FBP1: variants seen among roughly 807,000 people sequenced by gnomAD.
FBP1 encodes the protein fructose-1,6-bisphosphatase 1.
Under a neutral mutation model 29.9 loss-of-function variants are expected in FBP1, and 22 were observed. The observed-to-expected ratio is 0.74, with a 90% CI of 0.53 to 1.05. The LOEUF (loss-of-function observed/expected upper bound fraction) is 1.05. Among genes scored for constraint, FBP1 ranks in the 50% least tolerant of loss-of-function variants. The probability of loss-of-function intolerance (pLI) is 0.00; values close to 1 mark genes in which losing one functional copy is unlikely to be tolerated. For synonymous variants in FBP1, 175 were observed against 178.6 expected, an observed-to-expected ratio of 0.98 and a Z score of 0.16; for missense variants, 345 against 448.2, an observed-to-expected ratio of 0.77 and a Z score of 2.08.
chr9:94,627,628 G>GGAGTCTT (rs1477130782), intron 1 of FBP1, among the ~76,000 whole-genome samples: 1 of 152,174 alleles, frequency 6.6e-6, no homozygotes, highest in Non-Finnish European at 1.5e-5. Context: ...AGACCATCCT[G>GGAGTCTT]CCTTGGAAGG....
chr9:94,623,070 C>T (rs1191736163), intron 1 of FBP1, among the ~76,000 whole-genome samples: 2 of 151,978 alleles, frequency 1.3e-5, no homozygotes, highest in Admixed American at 6.6e-5. Context: ...CTGCAACCTC[C>T]GCCTCCCAGG....
At chr9:94,625,896 TC>T (rs1275172932) in intron 1 of FBP1, among the ~76,000 whole-genome samples, 1 of 151,900 alleles carries the variant, frequency 6.6e-6, no homozygotes, top group Non-Finnish European at 1.5e-5. Flanking sequence ...CGCAGGACCC[TC>T]AGCACCTCCA....
At chr9:94,604,955 C>T (rs1430883507) in intron 6 of FBP1, among the ~76,000 whole-genome samples, 2 of 152,156 alleles carry the variant, frequency 1.3e-5, no homozygotes, top group African/African-American at 4.8e-5. Flanking sequence ...TCGGTGGTGA[C>T]GGCTCACCTG....
intron 4 of FBP1, 130 bp downstream of exon 4, chr9:94,609,791 C>T (rs1827754994): frequency 2.9e-6 from 3 of 1,044,466 alleles, no homozygotes; most frequent in Non-Finnish European, 4.5e-6. Flanking sequence ...CTTTCCACCA[C>T]ACATCATCAT....
chr9:94,635,806 G>T (rs1828183789), intron 1 of FBP1, among the ~76,000 whole-genome samples: 1 of 152,152 alleles, frequency 6.6e-6, no homozygotes, highest in Non-Finnish European at 1.5e-5. Context: ...CCAAAATAGA[G>T]AAAAACTTCA....
chr9:94,616,003 A>C (rs779478447), intron 3 of FBP1, among the ~76,000 whole-genome samples: 21 of 151,768 alleles, frequency 1.4e-4, no homozygotes, highest in South Asian at 4.2e-4. Context: ...AATTTTTTGT[A>C]ATTTTTAGTA....
At position 94,639,271 on chromosome 9, in the gene FBP1, G is replaced by C. The variant is rs747358501; in HGVS notation, c.40C>G (p.Leu14Val). 4 of 1,606,730 alleles carry C rather than the reference G, an allele frequency of 2.5e-6. No individual in the cohort carries two copies. The African/African-American group carries it at 4.0e-5, about 16-fold the overall frequency. ...CCCTCCTCCATGACGAAGCGGGTCA[G>C]GGTGTTGACGTCCGTGTCGAAGGGC... is the stretch of plus-strand genomic sequence containing the variant. ...QAPFDTDVNT[L>V]TRFVMEEGRK... Residue 14 changes from leucine (L) to valine (V), a missense_variant, in exon 1 of 7, where the codon CTG (leucine) becomes GTG (valine). Transcript: ENST00000375326.
rs1827756081 is a variant in FBP1, at chr9:94,609,866, A to G, written c.567+55T>C. ...CCCCTGCCAATCCCCCACACATATC[A>G]TTCATTTGCTCACAGACACCAGCCA... is the stretch of plus-strand genomic sequence containing the variant. On this transcript the variant is annotated intron_variant, in intron 4 of 6. Transcript: ENST00000375326. The G allele has an allele frequency of 1.6e-5, 25 of 1,596,214 alleles. No individual in the cohort carries two copies. The South Asian group carries it at 2.4e-4, about 15-fold the overall frequency.
chr9:94,617,941 G>A, intron 2 of FBP1, 81 bp from the exon 3 acceptor site: 1 of 1,115,996 alleles, frequency 9.0e-7, no homozygotes. Context: ...GGCTAAGAAT[G>A]GGAATTTAGA....
intron 6 of FBP1, 78 bp downstream of exon 6, chr9:94,605,379 C>T (rs1363186903): frequency 6.5e-7 from 1 of 1,527,574 alleles, no homozygotes; most frequent in South Asian, 1.2e-5. Context: ...CTAGCAAAAC[C>T]TTTCTTCTTC....
chr9:94,612,729 T>A (rs956478218), intron 3 of FBP1, among the ~76,000 whole-genome samples: 8 of 151,792 alleles, frequency 5.3e-5, no homozygotes, highest in African/African-American at 1.9e-4. Context: ...GCTAATTTTT[T>A]TTTTTATTTT....
chr9:94,625,821 G>A (rs1340165286), intron 1 of FBP1, among the ~76,000 whole-genome samples: 8 of 150,542 alleles, frequency 5.3e-5, no homozygotes, highest in Non-Finnish European at 1.0e-4. Flanking sequence ...AGCTGCCCGC[G>A]TCCACCAAAC....
chr9:94,632,122 C>T (rs1394171013), intron 1 of FBP1, among the ~76,000 whole-genome samples: 1 of 152,078 alleles, frequency 6.6e-6, no homozygotes, highest in African/African-American at 2.4e-5. Context: ...TATTAGCTGA[C>T]GTGTCATTCT....
intron 3 of FBP1, among the ~76,000 whole-genome samples, chr9:94,612,815 C>T (rs1827805989): frequency 6.6e-6 from 1 of 152,132 alleles, no homozygotes; most frequent in African/African-American, 2.4e-5. Context: ...CCTGCCTCAG[C>T]CTCCCAAAGA....
Position 94,606,035 on chromosome 9 carries a change from G to A in FBP1, c.706-459C>T, listed in dbSNP as rs28369755. On this transcript the variant is annotated intron_variant, in intron 5 of 6. Coordinates refer to ENST00000375326, the MANE Select transcript of FBP1 (RefSeq NM_000507.4). The stretch of plus-strand genomic sequence containing the variant: ...AGGAGCCTGTGGGACTCGGGTGTGC[G>A]TGTGCGGAGCTTGGGGGCAGGAGGG... Among the ~76,000 whole-genome samples the A allele has an allele frequency of 7.8e-3, 1,194 of 152,160 alleles. 17 individuals are homozygous for A. The highest frequency in any genetic ancestry group is 0.027 in the African/African-American group (1,117 of 41,458).
chr9:94,631,116 T>C (rs1828099009), intron 1 of FBP1, among the ~76,000 whole-genome samples: 1 of 152,236 alleles, frequency 6.6e-6, no homozygotes, highest in African/African-American at 2.4e-5. Context: ...GACATTTCAC[T>C]TCAATTTTAT....
At chr9:94,614,861 G>C (rs1181964268) in intron 3 of FBP1, among the ~76,000 whole-genome samples, 1 of 152,146 alleles carries the variant, frequency 6.6e-6, no homozygotes, top group Non-Finnish European at 1.5e-5. Context: ...AAATGACTTA[G>C]AGGTCTGTGT....
chr9:94,637,990 G>T (rs1422453471), intron 1 of FBP1, among the ~76,000 whole-genome samples: 1 of 151,560 alleles, frequency 6.6e-6, no homozygotes, highest in African/African-American at 2.4e-5. Flanking sequence ...GGAGACTGAG[G>T]CAGGAGAATC....
intron 1 of FBP1, among the ~76,000 whole-genome samples, chr9:94,630,911 T>C (rs1259169287): frequency 6.6e-6 from 1 of 152,000 alleles, no homozygotes; most frequent in Non-Finnish European, 1.5e-5. Context: ...CACATGACAA[T>C]AGAGCCCCGC....
Sources: allele counts gnomAD v4.1 joint callset (sites outside exome capture counted in the v4.1 genomes callset), GRCh38; gene constraint gnomAD v4.1.1; transcripts MANE v1.5; gene names NCBI Gene and HGNC (gene_info 2026-07-23, HGNC 2026-07-21).